The following ITPR2 variants were observed in gnomAD, a reference collection of about 807,000 sequenced individuals.
ITPR2 encodes inositol 1,4,5-trisphosphate-gated calcium channel ITPR2.
In ITPR2, 207 loss-of-function variants were observed where a neutral mutation model predicts 317.1. That is an observed-to-expected ratio of 0.65 (90% confidence interval 0.58 to 0.73). The LOEUF is 0.73. Ranked by LOEUF, ITPR2 falls within the 30% of genes least tolerant of loss-of-function variation. ITPR2 has a pLI of 0.00. For missense variants in ITPR2, 2,613 were observed against 3,284.0 expected, an observed-to-expected ratio of 0.80 and a Z score of 4.99; for synonymous variants, 1,156 against 1,149.1, an observed-to-expected ratio of 1.01 and a Z score of -0.12.
intron 2 of ITPR2, among the ~76,000 whole-genome samples, chr12:26,783,414 G>A (rs530450297): frequency 2.0e-5 from 3 of 152,262 alleles, no homozygotes; most frequent in African/African-American, 4.8e-5. Context: ...CCAGGAAATG[G>A]TCCCTGGGTT....
intron 2 of ITPR2, among the ~76,000 whole-genome samples, chr12:26,763,814 C>T (rs1949676395): frequency 6.6e-6 from 1 of 152,074 alleles, no homozygotes; most frequent in Non-Finnish European, 1.5e-5. Flanking sequence ...TTGGCACACC[C>T]ACTTGGCCAA....
At chr12:26,762,130 CG>C (rs1180724357) in intron 2 of ITPR2, among the ~76,000 whole-genome samples, 19 of 151,954 alleles carry the variant, frequency 1.3e-4, no homozygotes, top group Non-Finnish European at 2.6e-4. Context: ...ATAGGAATTA[CG>C]GGGTCCCAGA....
rs1356550882 is a variant in ITPR2 at position 26,832,745 on chromosome 12, C to A, written c.37G>T (p.Asp13Tyr). ...CCCTCCGCGTACAGGGACACGATGT[C>A]CCCTATGTAGAGGAAGCTGGACATT... ...EKMSSFLYIG[D>Y]IVSLYAEGSV... Residue 13 changes from aspartate (D) to tyrosine (Y), a missense_variant, in exon 1 of 57, where the codon GAC becomes TAC. Transcript: ENST00000381340. The A allele has an allele frequency of 3.7e-6, 6 of 1,603,104 alleles. No homozygotes were observed. Among genetic ancestry groups the A allele is most frequent in the Non-Finnish European group, 5.1e-6 (6 of 1,175,524 alleles).
At chr12:26,441,093 G>C (rs1358052429) in intron 46 of ITPR2, among the ~76,000 whole-genome samples, 1 of 152,090 alleles carries the variant, frequency 6.6e-6, no homozygotes. Context: ...ATCATGTTGA[G>C]GGAGAAAAAA....
At chr12:26,687,206 G>C (rs902237607) in intron 10 of ITPR2, among the ~76,000 whole-genome samples, 12 of 152,100 alleles carry the variant, frequency 7.9e-5, no homozygotes, top group Non-Finnish European at 1.5e-5. Context: ...TGTGGAACTT[G>C]GTCAATGCTT....
At chr12:26,707,833 C>G (rs1271579944) in intron 9 of ITPR2, among the ~76,000 whole-genome samples, 2 of 151,818 alleles carry the variant, frequency 1.3e-5, no homozygotes, top group African/African-American at 2.4e-5. Flanking sequence ...CCTGGCCAAC[C>G]TGGGCATTTT....
At chr12:26,678,798 C>T (rs1947968519) in intron 13 of ITPR2, among the ~76,000 whole-genome samples, 1 of 152,188 alleles carries the variant, frequency 6.6e-6, no homozygotes, top group Non-Finnish European at 1.5e-5. Flanking sequence ...CCTAGTCCAC[C>T]ACCTTCCTTA....
chr12:26,421,963 CA>C (rs1402358922), intron 49 of ITPR2, among the ~76,000 whole-genome samples: 2 of 151,202 alleles, frequency 1.3e-5, no homozygotes, highest in African/African-American at 4.9e-5. Context: ...ATACACCATC[CA>C]AATGATTTAC....
chr12:26,520,841 G>A (rs1267506593), intron 37 of ITPR2, among the ~76,000 whole-genome samples: 3 of 152,084 alleles, frequency 2.0e-5, no homozygotes, highest in Non-Finnish European at 4.4e-5. Flanking sequence ...GAATTTGATT[G>A]ATTAGATATT....
At chr12:26,798,933 G>A (rs1592141367) in intron 1 of ITPR2, among the ~76,000 whole-genome samples, 1 of 152,166 alleles carries the variant, frequency 6.6e-6, no homozygotes, top group East Asian at 1.9e-4. Context: ...ATGACAAGAG[G>A]AGTTAAGTGC....
intron 55 of ITPR2, among the ~76,000 whole-genome samples, chr12:26,372,825 A>G (rs1174431605): frequency 6.6e-6 from 1 of 152,182 alleles, no homozygotes; most frequent in Non-Finnish European, 1.5e-5. Context: ...AGCTTGGGAA[A>G]CAGAAATTCT....
chr12:26,784,629 C>T (rs1457055667), intron 2 of ITPR2, among the ~76,000 whole-genome samples: 1 of 151,700 alleles, frequency 6.6e-6, no homozygotes, highest in Non-Finnish European at 1.5e-5. Context: ...CAGACGGAGT[C>T]TTGTTCACTC....
chr12:26,819,642 C>T (rs1950910203), intron 1 of ITPR2, among the ~76,000 whole-genome samples: 1 of 152,040 alleles, frequency 6.6e-6, no homozygotes, highest in Non-Finnish European at 1.5e-5. Context: ...AGAGAAAAGG[C>T]CCACCTAAAT....
At chr12:26,540,230 C>T (rs921226524) in intron 37 of ITPR2, among the ~76,000 whole-genome samples, 1 of 152,070 alleles carries the variant, frequency 6.6e-6, no homozygotes, top group African/African-American at 2.4e-5. Flanking sequence ...AGAAAACCTT[C>T]ATAAGGCATG....
chr12:26,398,398 G>A (rs1940072890), intron 54 of ITPR2, among the ~76,000 whole-genome samples: 1 of 152,180 alleles, frequency 6.6e-6, no homozygotes, highest in South Asian at 2.1e-4. Context: ...ACTCCAGCCT[G>A]GGTAACAGAG....
chr12:26,487,168 C>T lies in ITPR2; in HGVS notation c.5454G>A (p.Gln1818=), dbSNP rs1345403318. 2 of 1,613,118 alleles carry T rather than the reference C, an allele frequency of 1.2e-6. No homozygotes were observed. Among genetic ancestry groups the T allele is most frequent in the African/African-American group, 2.7e-5 (2 of 74,802 alleles). Residue 1818 remains glutamine, a synonymous_variant, in exon 40 of 57, where the codon CAG becomes CAA. Transcript: ENST00000381340. Reference sequence around the variant, plus strand: ...CTGTCACTGTTGATCTTATTTCTTTCTGAGCAGCCTTCATTCGATCATAGA... The same window carrying T: ...CTGTCACTGTTGATCTTATTTCTTTTTGAGCAGCCTTCATTCGATCATAGA... ...KVLYDRMKAA[Q]KEIRSTVTVN...
At chr12:26,725,787 A>G in intron 2 of ITPR2, 22 bp from the exon 3 acceptor site, 2 of 1,472,226 alleles carry the variant, frequency 1.4e-6, no homozygotes, top group East Asian at 4.5e-5. Context: ...CAACATACAA[A>G]AACACTGTAA....
At chr12:26,364,587 G>A (rs760332984) in intron 55 of ITPR2, among the ~76,000 whole-genome samples, 3 of 151,984 alleles carry the variant, frequency 2.0e-5, no homozygotes, top group South Asian at 2.1e-4. Context: ...TGTTTATCTC[G>A]GTCTGGTCAA....
intron 37 of ITPR2, among the ~76,000 whole-genome samples, chr12:26,507,857 C>CTGTGTGTGTGTGTGTGTGTG (rs369130996): frequency 2.0e-4 from 18 of 88,244 alleles, no homozygotes; most frequent in African/African-American, 6.1e-4. Context: ...TCTTCTCTCT[C>CTGTGTGTGTGTGTGTGTGTG]TGTCTCTGTG....
Sources: gnomAD v4.1 joint callset for allele counts (sites outside exome capture counted in the v4.1 genomes callset) on GRCh38, gnomAD v4.1.1 for gene constraint, MANE v1.5 for transcripts, NCBI Gene and HGNC (gene_info 2026-07-23, HGNC 2026-07-21) for gene names.